WWOX: variants seen among roughly 807,000 people sequenced by gnomAD.
WWOX encodes WW domain containing oxidoreductase.
In WWOX, 69 loss-of-function variants were observed where a neutral mutation model predicts 46.2. The ratio of observed to expected loss-of-function variants is 1.49; its 90% CI spans 1.23 to 1.82. The LOEUF (loss-of-function observed/expected upper bound fraction) is 1.82. WWOX is among the 40% of genes most tolerant of loss of function. The pLI is 0.00. For missense variants in WWOX, 919 were observed against 542.6 expected, an observed-to-expected ratio of 1.69 and a Z score of -6.89; for synonymous variants, 359 against 202.6, an observed-to-expected ratio of 1.77 and a Z score of -6.56.
chr16:78,856,709 T>TC (rs2052574940), intron 8 of WWOX, among the ~76,000 whole-genome samples: 2 of 152,100 alleles, frequency 1.3e-5, no homozygotes, highest in African/African-American at 2.4e-5. Flanking sequence ...ATTCAGTACT[T>TC]TAAAAAAATG....
intron 6 of WWOX, among the ~76,000 whole-genome samples, chr16:78,414,050 C>T (rs1404656234): frequency 3.3e-5 from 5 of 151,976 alleles, no homozygotes; most frequent in African/African-American, 1.2e-4. Context: ...GTTCCTGCCC[C>T]ACCCTAACTG....
chr16:78,275,068 C>T (rs938114008), intron 5 of WWOX, among the ~76,000 whole-genome samples: 3 of 152,062 alleles, frequency 2.0e-5, no homozygotes, highest in Admixed American at 6.5e-5. Context: ...TTTTCTTTTC[C>T]GAGCTGTGGC....
At chr16:78,646,885 C>G (rs930331986) in intron 8 of WWOX, among the ~76,000 whole-genome samples, 7 of 152,142 alleles carry the variant, frequency 4.6e-5, no homozygotes, top group African/African-American at 1.2e-4. Flanking sequence ...GCTGTGTTGG[C>G]TGTGAGTAAG....
At chr16:78,664,948 C>T (rs1303440963) in intron 8 of WWOX, among the ~76,000 whole-genome samples, 1 of 152,164 alleles carries the variant, frequency 6.6e-6, no homozygotes, top group Non-Finnish European at 1.5e-5. Flanking sequence ...ATAGCCTAAA[C>T]CCTGGTTCAA....
At position 78,343,814 on chromosome 16, in the gene WWOX, G is replaced by C. The variant is rs188796505; in HGVS notation, c.517-43046G>C. On this transcript the variant is annotated intron_variant, in intron 5 of 8. Transcript: ENST00000566780. ...CTTGCTCTCAGTTCTTTGTCATTCA[G>C]CTGCTTTAATATTAATATGACACCC... 2.5e-5 allele frequency among the ~76,000 whole-genome samples: 3 copies of C among 120,396 alleles called. 1 individual carries two copies. Among genetic ancestry groups the C allele is most frequent in the Admixed American group, 8.1e-5 (1 of 12,366 alleles). The allele number at this position is 120,396 out of a possible 152,430, so 79.0% of individuals were successfully genotyped here.
intron 8 of WWOX, among the ~76,000 whole-genome samples, chr16:78,879,760 C>G (rs1016467981): frequency 6.6e-6 from 1 of 151,964 alleles, no homozygotes; most frequent in African/African-American, 2.4e-5. Context: ...GCCTGTAATC[C>G]CAGCTACTTG....
intron 8 of WWOX, among the ~76,000 whole-genome samples, chr16:78,533,112 T>A (rs1240425457): frequency 1.3e-5 from 2 of 152,068 alleles, no homozygotes; most frequent in African/African-American, 4.8e-5. Flanking sequence ...TCAGAACTCC[T>A]CCCAGTGCCT....
At chr16:79,035,208 G>T (rs941865445) in intron 8 of WWOX, among the ~76,000 whole-genome samples, 4 of 152,154 alleles carry the variant, frequency 2.6e-5, no homozygotes, top group Non-Finnish European at 5.9e-5. Context: ...ACTAGCTAGT[G>T]GCCCACAATA....
intron 4 of WWOX, among the ~76,000 whole-genome samples, chr16:78,135,517 A>G (rs2151701424): frequency 6.6e-6 from 1 of 152,326 alleles, no homozygotes; most frequent in African/African-American, 2.4e-5. Context: ...TATAGAAGCC[A>G]GCTTTACTGA....
chr16:78,735,576 C>G (rs1281339325), intron 8 of WWOX, among the ~76,000 whole-genome samples: 1 of 152,200 alleles, frequency 6.6e-6, no homozygotes, highest in African/African-American at 2.4e-5. Context: ...CATACCTGCA[C>G]AAGTCAACTT....
chr16:79,002,873 A>G (rs112378767), intron 8 of WWOX, among the ~76,000 whole-genome samples: 58 of 152,342 alleles, frequency 3.8e-4, no homozygotes, highest in African/African-American at 1.3e-3. Context: ...AAATAACTCC[A>G]TGATGAAACA....
At chr16:78,989,113 C>T (rs188855507) in intron 8 of WWOX, among the ~76,000 whole-genome samples, 1 of 152,152 alleles carries the variant, frequency 6.6e-6, no homozygotes, top group Admixed American at 6.5e-5. Flanking sequence ...TCCTTAATTA[C>T]TAAAATTATC....
At chr16:78,128,378 G>A (rs16947171) in intron 4 of WWOX, among the ~76,000 whole-genome samples, 624 of 152,292 alleles carry the variant, frequency 4.1e-3, no homozygotes, top group Non-Finnish European at 6.4e-3. Flanking sequence ...AGATATTCAG[G>A]AGCAGAAACT....
At chr16:78,156,275 C>G (rs1015546522) in intron 4 of WWOX, among the ~76,000 whole-genome samples, 2 of 151,690 alleles carry the variant, frequency 1.3e-5, no homozygotes, top group African/African-American at 4.8e-5. Context: ...GTTATTTTGT[C>G]AAGTGAGATA....
At chr16:78,130,269 C>G (rs1164050679) in intron 4 of WWOX, 1 of 152,160 alleles carries the variant, frequency 6.6e-6, no homozygotes, top group African/African-American at 2.4e-5. Flanking sequence ...GTGGAGCCCT[C>G]ATAAGTAAGA....
chr16:78,755,777 C>A (rs144556459), intron 8 of WWOX, among the ~76,000 whole-genome samples: 3 of 152,178 alleles, frequency 2.0e-5, no homozygotes, highest in Non-Finnish European at 2.9e-5. Flanking sequence ...GGGATAATTA[C>A]AAAAACATAC....
intron 8 of WWOX, among the ~76,000 whole-genome samples, chr16:78,780,140 G>T (rs1488353597): frequency 6.6e-6 from 1 of 152,074 alleles, no homozygotes; most frequent in African/African-American, 2.4e-5. Flanking sequence ...CACAACTTGG[G>T]GTAATGCTAT....
chr16:78,610,465 A>G (rs2151629545), intron 8 of WWOX, among the ~76,000 whole-genome samples: 1 of 152,328 alleles, frequency 6.6e-6, no homozygotes, highest in South Asian at 2.1e-4. Flanking sequence ...TATTTAAAAG[A>G]TAAAAGGTCA....
intron 8 of WWOX, among the ~76,000 whole-genome samples, chr16:79,209,192 T>G (rs1371180183): frequency 6.6e-6 from 1 of 152,212 alleles, no homozygotes; most frequent in Non-Finnish European, 1.5e-5. Flanking sequence ...AAATGTAGGT[T>G]GGCATGAAAT....
Sources: allele counts gnomAD v4.1 joint callset (sites outside exome capture counted in the v4.1 genomes callset), GRCh38; gene constraint gnomAD v4.1.1; transcripts MANE v1.5; gene names NCBI Gene and HGNC (gene_info 2026-07-23, HGNC 2026-07-21).